AMMECR1L: variants seen among roughly 807,000 people sequenced by gnomAD.
AMMECR1L encodes AMMECR1 like.
In AMMECR1L, 4 loss-of-function variants were observed where a neutral mutation model predicts 36.8. That is an observed-to-expected ratio of 0.11 (90% CI 0.05 to 0.25). The LOEUF (loss-of-function observed/expected upper bound fraction) is 0.25. AMMECR1L is among the 10% of genes least tolerant of loss of function. The probability of loss-of-function intolerance (pLI) is 1.00; values close to 1 mark genes in which losing one functional copy is unlikely to be tolerated. For missense variants in AMMECR1L, 232 were observed against 392.1 expected (o/e 0.59, Z 3.45); for synonymous variants, 147 against 148.0 (o/e 0.99, Z 0.05).
chr2:127,866,822 T>C, intron 7 of AMMECR1L, 78 bp downstream of exon 7: 1 of 1,347,994 alleles, frequency 7.4e-7, no homozygotes. Flanking sequence ...AGAACACTTC[T>C]TCTCCATCCC....
In AMMECR1L at chr2:127,865,943, C is replaced by A. The variant is rs563988094; in HGVS notation, c.822-738G>T. ...CTTTCCCACTGTAATCACTCCTCCA[C>A]TGCAAGGTGATTATTCCTGAATTTT... On this transcript the variant is annotated intron_variant, in intron 7 of 7. Transcript: ENST00000272647. The surrounding 1 kb of genome is among the most constrained non-coding windows in gnomAD (Gnocchi z 5.4). 1.3e-5 allele frequency among the ~76,000 whole-genome samples: 2 copies of A among 152,346 alleles called. No individual in the cohort carries two copies. Among genetic ancestry groups the A allele is most frequent in the African/African-American group, 4.8e-5 (2 of 41,584 alleles).
chr2:127,869,210 G>A lies in AMMECR1L; in HGVS notation c.724+244C>T, dbSNP rs1343664116. ...GGGCTAAGAAATAAAACTATTCATT[G>A]AAAAGAAGTGTTTGAAATATCAGGC... On this transcript the variant is annotated intron_variant, in intron 6 of 7. Transcript: ENST00000272647. This position sits in a 1 kb window ranked among gnomAD's most constrained non-coding sequence, Gnocchi z 4.7. 6.6e-6 allele frequency among the ~76,000 whole-genome samples: 1 copy of A among 152,190 alleles called. No homozygotes were observed. Among genetic ancestry groups the A allele is most frequent in the Non-Finnish European group, 1.5e-5 (1 of 68,030 alleles).
chr2:127,874,582 T>C lies in AMMECR1L; in HGVS notation c.-38-310A>G, dbSNP rs1202195472. Among the ~76,000 whole-genome samples the C allele has an allele frequency of 6.6e-6, 1 of 152,164 alleles. No homozygotes were observed. Among genetic ancestry groups the C allele is most frequent in the Non-Finnish European group, 1.5e-5 (1 of 68,024 alleles). ...CCAGCGTGAAGCTGGCTGAGGACAT[T>C]TCCAGACTGCCTGGAGGGCTGCGCA... On this transcript the variant is annotated intron_variant, in intron 2 of 7. Coordinates refer to ENST00000272647, the MANE Select transcript of AMMECR1L (RefSeq NM_001199140.2). This position sits in a 1 kb window ranked among gnomAD's most constrained non-coding sequence, Gnocchi z 5.2.
intron 6 of AMMECR1L, chr2:127,867,352 A>T (rs1347963331): frequency 4.1e-6 from 4 of 966,414 alleles, no homozygotes; most frequent in Non-Finnish European, 4.9e-6. Context: ...GCTCTGTGGG[A>T]AGAGAGGAAT....
chr2:127,870,342 G>A (rs533563519), intron 5 of AMMECR1L, among the ~76,000 whole-genome samples: 39 of 151,938 alleles, frequency 2.6e-4, no homozygotes, highest in African/African-American at 9.4e-4. Context: ...GGGCATGGTG[G>A]TGGGCACCTG....
In AMMECR1L at chr2:127,873,684, C is replaced by T; in HGVS notation, c.407+144G>A. 1 of 1,550,204 alleles carries T rather than the reference C, an allele frequency of 6.5e-7. No individual in the cohort carries two copies. Among genetic ancestry groups the T allele is most frequent in the East Asian group, 2.3e-5 (1 of 44,444 alleles). Reference sequence around the variant, plus strand: ...ATCCACTGAATGTTTTAAATATTCTCTGGACATTTCTTATCATTCTCTTCC... The same window carrying T: ...ATCCACTGAATGTTTTAAATATTCTTTGGACATTTCTTATCATTCTCTTCC... On this transcript the variant is annotated intron_variant, in intron 3 of 7. Coordinates refer to ENST00000272647, the MANE Select transcript of AMMECR1L (RefSeq NM_001199140.2). The surrounding 1 kb of genome is among the most constrained non-coding windows in gnomAD (Gnocchi z 5.2).
chr2:127,875,954 C>T (rs981257263), intron 2 of AMMECR1L, among the ~76,000 whole-genome samples: 2 of 151,866 alleles, frequency 1.3e-5, no homozygotes, highest in African/African-American at 4.9e-5. Context: ...CCACTATGCC[C>T]AGCTATCTTT....
At chr2:127,866,860 A>T in intron 7 of AMMECR1L, 40 bp downstream of exon 7, 1 of 1,575,486 alleles carries the variant, frequency 6.3e-7, no homozygotes, top group Middle Eastern at 1.7e-4. Context: ...TTCAACCCCA[A>T]CTAAATTGAA....
rs565184767 is a variant in AMMECR1L at position 127,862,545 on chromosome 2, C to T, written c.*2549G>A. ...CGACCGTGACCGTACACTTCTAGACCGCTTCCTGACTAGGCCCCGTTCAGG... is the reference window on the plus strand; with the variant it reads ...CGACCGTGACCGTACACTTCTAGACTGCTTCCTGACTAGGCCCCGTTCAGG... On this transcript the variant is annotated 3_prime_UTR_variant, in exon 8 of 8. Transcript: ENST00000272647. 1.0e-3 allele frequency: 161 copies of T among 153,718 alleles called. 1 individual carries two copies. The highest frequency in any genetic ancestry group is 3.2e-3 in the African/African-American group (134 of 41,580). The allele number at this position is 153,718 out of a possible 1,614,324, so 9.5% of individuals were successfully genotyped here.
Position 127,864,571 on chromosome 2 carries a change from T to A in AMMECR1L, c.*523A>T, listed in dbSNP as rs1269746085. Reference sequence around the variant, plus strand: ...CGTCCAACCCTAACGTGGCGTCCGCTTATGAAGCATGGAGGTTGTAATCAA... The same window carrying A: ...CGTCCAACCCTAACGTGGCGTCCGCATATGAAGCATGGAGGTTGTAATCAA... On this transcript the variant is annotated 3_prime_UTR_variant, in exon 8 of 8. Transcript: ENST00000272647. The A allele has an allele frequency of 6.6e-6, 1 of 152,304 alleles. No homozygotes were observed. Among genetic ancestry groups the A allele is most frequent in the Non-Finnish European group, 1.5e-5 (1 of 68,092 alleles). The allele number at this position is 152,304 out of a possible 1,614,324, so 9.4% of individuals were successfully genotyped here.
intron 2 of AMMECR1L, among the ~76,000 whole-genome samples, chr2:127,880,878 TGAG>T (rs1262922815): frequency 6.6e-6 from 1 of 152,154 alleles, no homozygotes; most frequent in Non-Finnish European, 1.5e-5. Flanking sequence ...TCGCAGAACC[TGAG>T]GATGACTGAA....
intron 2 of AMMECR1L, among the ~76,000 whole-genome samples, chr2:127,878,385 C>A (rs531557337): frequency 5.3e-5 from 8 of 152,264 alleles, no homozygotes; most frequent in African/African-American, 1.9e-4. Flanking sequence ...AGGCTCTGCA[C>A]CTCTAGAGCC....
chr2:127,878,408 G>C lies in AMMECR1L; in HGVS notation c.-38-4136C>G, dbSNP rs1218065104. ...CACCTCTAGAGCCTCAGAATTCAAA[G>C]AATCGAAGGGAAAGAATAAAATGCA... is the stretch of plus-strand genomic sequence containing the variant. On this transcript the variant is annotated intron_variant, in intron 2 of 7. Transcript: ENST00000272647. Among the ~76,000 whole-genome samples, 7 of 152,240 alleles carry C rather than the reference G, an allele frequency of 4.6e-5. No homozygotes were observed. In the East Asian group the frequency reaches 1.4e-3, roughly 29 times the overall value.
intron 3 of AMMECR1L, chr2:127,872,898 G>T: frequency 1.3e-6 from 1 of 796,296 alleles, no homozygotes; most frequent in Non-Finnish European, 1.5e-6. Context: ...CCAAAAAACC[G>T]AGCACACTTC....
At chr2:127,866,855 C>T (rs1690708948) in intron 7 of AMMECR1L, 45 bp downstream of exon 7, 2 of 1,556,682 alleles carry the variant, frequency 1.3e-6, no homozygotes, top group Non-Finnish European at 1.8e-6. Flanking sequence ...CTCCATTCAA[C>T]CCCAACTAAA....
chr2:127,872,177 ACT>A, intron 3 of AMMECR1L, among the ~76,000 whole-genome samples: 1 of 146,478 alleles, frequency 6.8e-6, no homozygotes, highest in African/African-American at 2.5e-5. Flanking sequence ...CAAGACTGAG[ACT>A]CTGTCTCAAA....
intron 3 of AMMECR1L, among the ~76,000 whole-genome samples, chr2:127,872,726 T>C (rs940926943): frequency 6.6e-5 from 10 of 152,168 alleles, no homozygotes; most frequent in African/African-American, 2.2e-4. Flanking sequence ...TGCAAAGCCT[T>C]GAATACAACA....
chr2:127,873,619 C>T lies in AMMECR1L; in HGVS notation c.407+209G>A, dbSNP rs1226271518. ...GAACATTACTTTAACAACAAGCCTACAGCCTCCTCCAAATGTGAACTGCTC... is the reference window on the plus strand; with the variant it reads ...GAACATTACTTTAACAACAAGCCTATAGCCTCCTCCAAATGTGAACTGCTC... On this transcript the variant is annotated intron_variant, in intron 3 of 7. Transcript: ENST00000272647. The surrounding 1 kb of genome is among the most constrained non-coding windows in gnomAD (Gnocchi z 5.2). 40 of 985,484 alleles carry T rather than the reference C, an allele frequency of 4.1e-5. No individual in the cohort carries two copies. The South Asian group carries it at 7.5e-4, about 19-fold the overall frequency. The allele number at this position is 985,484 out of a possible 1,614,324, so 61.0% of individuals were successfully genotyped here.
intron 2 of AMMECR1L, among the ~76,000 whole-genome samples, chr2:127,877,249 T>A (rs1276762595): frequency 6.6e-6 from 1 of 151,470 alleles, no homozygotes; most frequent in Non-Finnish European, 1.5e-5. Flanking sequence ...CTTCACTGAA[T>A]CCTCTAAAGC....
Sources: allele counts gnomAD v4.1 joint callset (sites outside exome capture counted in the v4.1 genomes callset), GRCh38; gene constraint gnomAD v4.1.1; non-coding constraint Gnocchi (gnomAD v3.1); transcripts MANE v1.5; gene names NCBI Gene and HGNC (gene_info 2026-07-23, HGNC 2026-07-21).